Variants in DNAH7 observed in about 807,000 individuals in gnomAD.
DNAH7 encodes dynein axonemal heavy chain 7.
In DNAH7, 397 loss-of-function variants were observed where a neutral mutation model predicts 444.6. That is an observed-to-expected ratio of 0.89 (90% confidence interval 0.82 to 0.97). DNAH7 has a LOEUF of 0.97. Ranked by LOEUF, DNAH7 falls within the 50% of genes least tolerant of loss-of-function variation. The pLI is 0.00. For missense variants in DNAH7, 4,902 were observed against 4,800.8 expected (o/e 1.02, Z -0.62); for synonymous variants, 1,636 against 1,624.4 (o/e 1.01, Z -0.17).
intron 56 of DNAH7, chr2:195,795,879 T>A (rs1325353303): frequency 1.3e-5 from 2 of 152,230 alleles, no homozygotes; most frequent in African/African-American, 4.8e-5. Flanking sequence ...CAAAGCCAGA[T>A]GGGTGGATGG....
At chr2:195,779,035 G>GGGT (rs1695245767) in intron 58 of DNAH7, among the ~76,000 whole-genome samples, 1 of 151,864 alleles carries the variant, frequency 6.6e-6, no homozygotes, top group Admixed American at 6.6e-5. Flanking sequence ...AGTAGAGACG[G>GGGT]GGTTTCACCG....
chr2:195,913,767 T>G (rs1687500650), intron 24 of DNAH7, among the ~76,000 whole-genome samples: 1 of 152,202 alleles, frequency 6.6e-6, no homozygotes, highest in African/African-American at 2.4e-5. Flanking sequence ...CAGGCTGGAG[T>G]GCAGTGGCGC....
chr2:195,816,480 T>G, intron 51 of DNAH7, 148 bp downstream of exon 51: 1 of 623,806 alleles, frequency 1.6e-6, no homozygotes, highest in Non-Finnish European at 2.8e-6. Flanking sequence ...AACCCCCATA[T>G]TTACTTCTGA....
intron 2 of DNAH7, among the ~76,000 whole-genome samples, chr2:196,052,473 C>A (rs1426979569): frequency 6.6e-6 from 1 of 152,188 alleles, no homozygotes; most frequent in Non-Finnish European, 1.5e-5. Context: ...TGTAAATTAT[C>A]AATGTTTATA....
intron 58 of DNAH7, among the ~76,000 whole-genome samples, chr2:195,782,124 T>G (rs1695419236): frequency 6.6e-6 from 1 of 152,176 alleles, no homozygotes. Context: ...TTTTTTCTAT[T>G]TAGTCTTTTT....
chr2:195,751,177 CAAAT>C, intron 63 of DNAH7, among the ~76,000 whole-genome samples: 1 of 152,070 alleles, frequency 6.6e-6, no homozygotes, highest in East Asian at 1.9e-4. Context: ...GGATTTTGAA[CAAAT>C]GGTCAGAATA....
At chr2:195,779,476 CAAT>C (rs1444743350) in intron 58 of DNAH7, among the ~76,000 whole-genome samples, 2 of 151,824 alleles carry the variant, frequency 1.3e-5, no homozygotes, top group Non-Finnish European at 2.9e-5. Flanking sequence ...TATGGTAGGT[CAAT>C]AATATTATTT....
intron 48 of DNAH7, among the ~76,000 whole-genome samples, chr2:195,829,217 T>C (rs1445785420): frequency 6.6e-6 from 1 of 152,186 alleles, no homozygotes; most frequent in African/African-American, 2.4e-5. Flanking sequence ...TTAATATTCT[T>C]TTTGGAATAT....
chr2:195,834,181 G>A lies in DNAH7; in HGVS notation c.9100+25C>T, dbSNP rs193227997. 1.8e-5 allele frequency: 28 copies of A among 1,590,198 alleles called. 1 individual carries two copies. The African/African-American group carries it at 3.4e-4, about 19-fold the overall frequency. On this transcript the variant is annotated intron_variant, in intron 48 of 64. Coordinates refer to ENST00000312428, the MANE Select transcript of DNAH7 (RefSeq NM_018897.3). Reference sequence around the variant, plus strand: ...TGCCCTCTCCAGGCAGTTCTGTAATGTATCTTAGTTATTCAACTACATACC... The same window carrying A: ...TGCCCTCTCCAGGCAGTTCTGTAATATATCTTAGTTATTCAACTACATACC...
At chr2:195,933,143 T>G (rs1422652619) in intron 21 of DNAH7, among the ~76,000 whole-genome samples, 1 of 152,114 alleles carries the variant, frequency 6.6e-6, no homozygotes, top group East Asian at 1.9e-4. Context: ...AAAAGACACA[T>G]GAAAAAATGC....
Position 196,001,772 on chromosome 2 carries a change from G to A in DNAH7, c.1076C>T (p.Ser359Phe). Residue 359 changes from serine to phenylalanine, a missense_variant, in exon 11 of 65, where the codon TCT (serine) becomes TTT (phenylalanine). By Grantham distance (155) the Ser-to-Phe change is radical. Coordinates refer to ENST00000312428, the MANE Select transcript of DNAH7 (RefSeq NM_018897.3). ...AAGTGCAGCAGCACAGTTGAAAAAA[G>A]ATTCCAATTTGGCACTGCTGTCACC... ...PTGDSSAKLESFFNCAAALMT... is the reference protein window; with the variant it reads ...PTGDSSAKLEFFFNCAAALMT... 1.2e-6 allele frequency: 2 copies of A among 1,612,976 alleles called. No individual in the cohort carries two copies. Among genetic ancestry groups the A allele is most frequent in the Non-Finnish European group, 1.7e-6 (2 of 1,179,468 alleles).
chr2:195,854,277 A>G (rs950475786), intron 45 of DNAH7, among the ~76,000 whole-genome samples: 2 of 152,218 alleles, frequency 1.3e-5, no homozygotes, highest in African/African-American at 4.8e-5. Flanking sequence ...GAGATTAAAT[A>G]AAGCTTATCT....
intron 19 of DNAH7, among the ~76,000 whole-genome samples, chr2:195,950,509 T>C (rs1690150893): frequency 6.6e-6 from 1 of 152,068 alleles, no homozygotes; most frequent in South Asian, 2.1e-4. Context: ...CTTTTCTTCT[T>C]CATTAGTCTG....
chr2:195,969,371 T>C (rs547746646), intron 17 of DNAH7, among the ~76,000 whole-genome samples: 3 of 152,380 alleles, frequency 2.0e-5, no homozygotes, highest in African/African-American at 7.2e-5. Context: ...TAGTTAATCA[T>C]ATGTTTTCAT....
At chr2:195,919,493 C>T (rs2125338989) in intron 24 of DNAH7, among the ~76,000 whole-genome samples, 1 of 151,974 alleles carries the variant, frequency 6.6e-6, no homozygotes, top group Non-Finnish European at 1.5e-5. Flanking sequence ...TACAGATGCA[C>T]ACCACCCCAC....
chr2:196,065,702 C>T (rs1698391385), intron 1 of DNAH7, among the ~76,000 whole-genome samples: 1 of 152,202 alleles, frequency 6.6e-6, no homozygotes, highest in South Asian at 2.1e-4. Flanking sequence ...CAGACCTCAG[C>T]TCCTGTCAGG....
intron 51 of DNAH7, among the ~76,000 whole-genome samples, chr2:195,812,330 A>T (rs1004992081): frequency 1.3e-5 from 2 of 152,074 alleles, no homozygotes; most frequent in Admixed American, 6.5e-5. Flanking sequence ...TCACAATGTC[A>T]TGGTCTCAGT....
intron 58 of DNAH7, among the ~76,000 whole-genome samples, chr2:195,778,736 A>ATATATACACATATATATATACACATAT (rs1695227486): frequency 1.4e-5 from 2 of 142,644 alleles, no homozygotes; most frequent in Admixed American, 1.4e-4. Flanking sequence ...ATATACACAT[A>ATATATACACATATATATATACACATAT]TATATATATA....
chr2:195,901,230 G>A (rs752600581), intron 27 of DNAH7: 8 of 151,924 alleles, frequency 5.3e-5, no homozygotes, highest in Non-Finnish European at 1.0e-4. Context: ...ATTGTTACAC[G>A]ATGTATATGT....
Sources: allele counts gnomAD v4.1 joint callset (sites outside exome capture counted in the v4.1 genomes callset), GRCh38; gene constraint gnomAD v4.1.1; transcripts MANE v1.5; gene names NCBI Gene and HGNC (gene_info 2026-07-23, HGNC 2026-07-21).